The following FAM222B variants were observed in gnomAD, a reference collection of about 807,000 sequenced individuals.
The protein encoded by FAM222B is protein FAM222B.
Under a neutral mutation model 38.0 loss-of-function variants are expected in FAM222B, and 12 were observed. That is an observed-to-expected ratio of 0.32 (90% confidence interval 0.20 to 0.51). FAM222B has a LOEUF of 0.51. Ranked by LOEUF, FAM222B falls within the 20% of genes least tolerant of loss-of-function variation. The probability of loss-of-function intolerance (pLI) is 0.97; values close to 1 mark genes in which losing one functional copy is unlikely to be tolerated. For synonymous variants in FAM222B, 329 were observed against 317.2 expected, an observed-to-expected ratio of 1.04 and a Z score of -0.40; for missense variants, 716 against 754.2, an observed-to-expected ratio of 0.95 and a Z score of 0.59.
At chr17:28,821,781 G>A (rs2038227124) in intron 1 of FAM222B, among the ~76,000 whole-genome samples, 1 of 151,986 alleles carries the variant, frequency 6.6e-6, no homozygotes, top group South Asian at 2.1e-4. Flanking sequence ...GGCCAACATG[G>A]TGAAACCCCA....
chr17:28,808,928 A>G (rs1597984432), intron 1 of FAM222B, among the ~76,000 whole-genome samples: 1 of 152,170 alleles, frequency 6.6e-6, no homozygotes, highest in Non-Finnish European at 1.5e-5. Context: ...CAAGGGCCCA[A>G]TATTTTTCTT....
intron 1 of FAM222B, among the ~76,000 whole-genome samples, chr17:28,788,561 T>G (rs1204106310): frequency 1.3e-5 from 2 of 151,670 alleles, no homozygotes; most frequent in Non-Finnish European, 2.9e-5. Flanking sequence ...TTTATCAAAG[T>G]GTGTGACTGC....
chr17:28,766,808 C>T, intron 1 of FAM222B, 101 bp from the exon 2 acceptor site: 2 of 629,166 alleles, frequency 3.2e-6, no homozygotes, highest in Non-Finnish European at 5.6e-6. Flanking sequence ...AGTTTAGACA[C>T]ATAAAGCAAT....
chr17:28,839,360 C>G lies in FAM222B; in HGVS notation c.-41+3322G>C, dbSNP rs79625143. On this transcript the variant is annotated intron_variant, in intron 1 of 2. Coordinates refer to ENST00000581407, the MANE Select transcript of FAM222B (RefSeq NM_001077498.3). Reference sequence around the variant, plus strand: ...AAGGCAATCAAGATACTAGCCCACCCCTTTTTCTTCCCCAGGGAAAGAAAT... The same window carrying G: ...AAGGCAATCAAGATACTAGCCCACCGCTTTTTCTTCCCCAGGGAAAGAAAT... 3.5e-3 allele frequency among the ~76,000 whole-genome samples: 535 copies of G among 152,254 alleles called. 28 individuals are homozygous for G. The East Asian group carries it at 0.078, about 22-fold the overall frequency.
At chr17:28,781,093 A>G (rs2036148864) in intron 1 of FAM222B, among the ~76,000 whole-genome samples, 1 of 152,190 alleles carries the variant, frequency 6.6e-6, no homozygotes, top group South Asian at 2.1e-4. Flanking sequence ...AGGTACGTGA[A>G]AAAATGCTCA....
chr17:28,825,313 A>G (rs2038397910), intron 1 of FAM222B, among the ~76,000 whole-genome samples: 1 of 150,794 alleles, frequency 6.6e-6, no homozygotes, highest in African/African-American at 2.4e-5. Context: ...GCGTGCACCT[A>G]TGGTCCCAGC....
At position 28,789,053 on chromosome 17, in the gene FAM222B, G is replaced by T. The variant is rs2036544036; in HGVS notation, c.-40-22346C>A. Among the ~76,000 whole-genome samples, 4 of 116,782 alleles carry T rather than the reference G, an allele frequency of 3.4e-5. No individual in the cohort carries two copies. In the South Asian group the frequency reaches 1.1e-3, roughly 32 times the overall value. 76.6% of individuals were successfully genotyped at this position (116,782 alleles called of 152,430 possible). A position where few individuals can be genotyped will look rare whatever the true frequency, so the allele number is the denominator to read the frequency against. On this transcript the variant is annotated intron_variant, in intron 1 of 2. Coordinates refer to ENST00000581407, the MANE Select transcript of FAM222B (RefSeq NM_001077498.3). ...GATGTAAGCCACAGCGCCCGGCCTT[G>T]CCTTTCTTTTATCTCAAAGATACCT...
chr17:28,777,296 C>T (rs963549398), intron 1 of FAM222B: 6 of 152,216 alleles, frequency 3.9e-5, no homozygotes, highest in African/African-American at 1.4e-4. Flanking sequence ...AAACTATACC[C>T]TTAGAACCTG....
chr17:28,760,008 G>C, intron 2 of FAM222B, 132 bp from the exon 3 acceptor site: 1 of 879,120 alleles, frequency 1.1e-6, no homozygotes, highest in Non-Finnish European at 1.7e-6. Flanking sequence ...GTCATCTGTA[G>C]CCTTCATTCG....
At chr17:28,773,277 G>T (rs1224175196) in intron 1 of FAM222B, among the ~76,000 whole-genome samples, 1 of 151,820 alleles carries the variant, frequency 6.6e-6, no homozygotes, top group Non-Finnish European at 1.5e-5. Context: ...AGGAGTTCAG[G>T]ACCAGACTGG....
At chr17:28,813,164 A>AC (rs919634386) in intron 1 of FAM222B, among the ~76,000 whole-genome samples, 1 of 149,026 alleles carries the variant, frequency 6.7e-6, no homozygotes, top group Non-Finnish European at 1.5e-5. Context: ...AAAAAAAAAA[A>AC]CACACATAGT....
chr17:28,770,228 A>G (rs192970118), intron 1 of FAM222B, among the ~76,000 whole-genome samples: 2 of 152,330 alleles, frequency 1.3e-5, no homozygotes, highest in East Asian at 3.9e-4. Flanking sequence ...AGCATCATCT[A>G]CTAACACTTA....
chr17:28,771,588 T>C (rs1236138511), intron 1 of FAM222B, among the ~76,000 whole-genome samples: 1 of 151,610 alleles, frequency 6.6e-6, no homozygotes, highest in African/African-American at 2.4e-5. Flanking sequence ...GGCTGAGGCA[T>C]GATGATCGCT....
intron 1 of FAM222B, among the ~76,000 whole-genome samples, chr17:28,788,109 C>T (rs986628522): frequency 2.6e-5 from 4 of 152,114 alleles, no homozygotes; most frequent in African/African-American, 9.7e-5. Flanking sequence ...CAGGCGTGAG[C>T]CACCGCACCC....
At chr17:28,846,295 G>A (rs1280879496), upstream of FAM222B, among the ~76,000 whole-genome samples, 2 of 151,888 alleles carry the variant, frequency 1.3e-5, no homozygotes, top group Non-Finnish European at 2.9e-5. Context: ...CTTGAACCCA[G>A]GAGGCAGAGG....
At chr17:28,829,445 T>A (rs982132920) in intron 1 of FAM222B, among the ~76,000 whole-genome samples, 1 of 152,224 alleles carries the variant, frequency 6.6e-6, no homozygotes, top group African/African-American at 2.4e-5. Context: ...GTGCTGGGAT[T>A]ACAGGCATAA....
At chr17:28,787,856 C>T (rs1424249760) in intron 1 of FAM222B, among the ~76,000 whole-genome samples, 2 of 117,328 alleles carry the variant, frequency 1.7e-5, no homozygotes, top group African/African-American at 7.1e-5. Context: ...GACGGAGTTT[C>T]GCTCTTGTTG....
chr17:28,800,218 G>A (rs1033016373), intron 1 of FAM222B, among the ~76,000 whole-genome samples: 10 of 151,776 alleles, frequency 6.6e-5, no homozygotes, highest in African/African-American at 1.9e-4. Context: ...TTTCACAGAC[G>A]GGGTTTCTCC....
upstream of FAM222B, among the ~76,000 whole-genome samples, chr17:28,845,176 C>T (rs748775898): frequency 6.6e-6 from 1 of 150,948 alleles, no homozygotes; most frequent in African/African-American, 2.4e-5. Context: ...TCGAGGTGGG[C>T]GGATCACGAG....
Sources: gnomAD v4.1 joint callset for allele counts (sites outside exome capture counted in the v4.1 genomes callset) on GRCh38, gnomAD v4.1.1 for gene constraint, MANE v1.5 for transcripts, NCBI Gene and HGNC (gene_info 2026-07-23, HGNC 2026-07-21) for gene names.